Variants in GARNL3 observed in about 807,000 individuals in gnomAD.
The protein encoded by GARNL3 is GTPase-activating Rap/Ran-GAP domain-like protein 3.
A neutral mutation model predicts 125.0 loss-of-function variants in GARNL3; 63 were observed. That is an observed-to-expected ratio of 0.50 (90% CI 0.41 to 0.62). The LOEUF is 0.62. Among genes scored for constraint, GARNL3 ranks in the 20% least tolerant of loss-of-function variants. The pLI, the probability that GARNL3 is intolerant of heterozygous loss-of-function variation, is 0.00. For missense variants in GARNL3, 994 were observed against 1,244.0 expected, an observed-to-expected ratio of 0.80 and a Z score of 3.02; for synonymous variants, 439 against 457.5, an observed-to-expected ratio of 0.96 and a Z score of 0.52.
chr9:127,371,713 A>G (rs1174332988), intron 22 of GARNL3, among the ~76,000 whole-genome samples: 1 of 152,268 alleles, frequency 6.6e-6, no homozygotes, highest in East Asian at 1.9e-4. Context: ...ATGTTTTTTA[A>G]TCAAGTGAGT....
chr9:127,225,180 C>T, intron 1 of GARNL3: 1 of 111,442 alleles, frequency 9.0e-6, no homozygotes, highest in Non-Finnish European at 1.5e-5. Flanking sequence ...TGGTTCGGGG[C>T]GGCGCCGGGG....
At position 127,345,413 on chromosome 9, in the gene GARNL3, T is replaced by C; in HGVS notation, c.1367T>C (p.Leu456Pro). The C allele has an allele frequency of 1.2e-6, 2 of 1,604,814 alleles. No homozygotes were observed. The highest frequency in any genetic ancestry group is 1.7e-6 in the Non-Finnish European group (2 of 1,175,308). ...TCTCTGTTCTGTAAGGCACTAAAAC[T>C]GAAATCCATTGTGAGAGGGGATGCT... is the stretch of plus-strand genomic sequence containing the variant. ...EFVRIGQALK[L>P]KSIVRGDAPS... Residue 456 changes from leucine to proline, a missense_variant, in exon 16 of 28, where the codon CTG becomes CCG. Physicochemically the swap from Leu to Pro is moderately conservative, Grantham distance 98. Coordinates refer to ENST00000373387, the MANE Select transcript of GARNL3 (RefSeq NM_032293.5).
chr9:127,384,899 G>C lies in GARNL3; in HGVS notation c.2270-128G>C. On this transcript the variant is annotated intron_variant, in intron 23 of 27. Transcript: ENST00000373387. The surrounding 1 kb of genome is among the most constrained non-coding windows in gnomAD (Gnocchi z 4.0). ...AGGGTGACTTGCACATGTGAAGGAA[G>C]GAGAGAAGCAGCCAGAGGAATGAGA... is the stretch of plus-strand genomic sequence containing the variant. 7.1e-6 allele frequency: 4 copies of C among 562,716 alleles called. No homozygotes were observed. The highest frequency in any genetic ancestry group is 6.4e-6 in the Non-Finnish European group (2 of 312,014). 34.9% of individuals were successfully genotyped at this position (562,716 alleles called of 1,614,324 possible).
chr9:127,272,449 T>G lies in GARNL3; in HGVS notation c.144+7428T>G, dbSNP rs2063844425. Among the ~76,000 whole-genome samples, 2 of 149,984 alleles carry G rather than the reference T, an allele frequency of 1.3e-5. 1 individual carries two copies. The highest frequency in any genetic ancestry group is 5.1e-5 in the African/African-American group (2 of 39,366). ...AATTTTGACAGATGTTCTTTAAAATTTATCTGGCTTATATCTGTGTCTCAC... is the reference window on the plus strand; with the variant it reads ...AATTTTGACAGATGTTCTTTAAAATGTATCTGGCTTATATCTGTGTCTCAC... On this transcript the variant is annotated intron_variant, in intron 1 of 27. Coordinates refer to ENST00000373387, the MANE Select transcript of GARNL3 (RefSeq NM_032293.5).
intron 7 of GARNL3, among the ~76,000 whole-genome samples, chr9:127,330,831 C>T (rs942056206): frequency 2.0e-5 from 3 of 152,138 alleles, no homozygotes; most frequent in African/African-American, 7.2e-5. Flanking sequence ...GGAGTGTCCT[C>T]TCTCTTCCTG....
chr9:127,387,687 G>A (rs1832616313), intron 25 of GARNL3, among the ~76,000 whole-genome samples: 1 of 149,724 alleles, frequency 6.7e-6, no homozygotes, highest in South Asian at 2.1e-4. Flanking sequence ...ATGTTGCAGT[G>A]AGCCGAGAGC....
chr9:127,378,676 A>G (rs927686707), intron 22 of GARNL3, among the ~76,000 whole-genome samples: 1 of 152,130 alleles, frequency 6.6e-6, no homozygotes, highest in Non-Finnish European at 1.5e-5. Context: ...AAAGAAAGAA[A>G]TCCAGTTACC....
intron 17 of GARNL3, among the ~76,000 whole-genome samples, chr9:127,351,707 G>A (rs1246749640): frequency 5.9e-5 from 9 of 152,220 alleles, no homozygotes; most frequent in African/African-American, 1.9e-4. Context: ...TCCTTTCAAG[G>A]TCATTATTAA....
In GARNL3 at chr9:127,342,272, C is replaced by T. The variant is rs905450965; in HGVS notation, c.1189C>T (p.Arg397Trp). The T allele has an allele frequency of 1.4e-5, 22 of 1,613,874 alleles. No individual in the cohort carries two copies. The East Asian group carries it at 4.7e-4, about 34-fold the overall frequency. ...LETPTFAQKR[R>W]RTLDMLIRSL... ...AACCCCAACATTTGCCCAGAAACGT[C>T]GGCGTACCCTGGATATGTTGATTAG... The change falls in exon 14 of 28, where the codon CGG becomes TGG. Residue 397 changes from arginine to tryptophan, a missense_variant. Transcript: ENST00000373387.
chr9:127,236,693 G>A (rs372662749), intron 1 of GARNL3, among the ~76,000 whole-genome samples: 2 of 152,214 alleles, frequency 1.3e-5, no homozygotes, highest in Non-Finnish European at 2.9e-5. Flanking sequence ...CAAAGTGCTG[G>A]GATTACAGGT....
In GARNL3 at chr9:127,344,352, C is replaced by T. The variant is rs1415028687; in HGVS notation, c.1356+13C>T. The T allele has an allele frequency of 6.4e-7, 1 of 1,561,566 alleles. No individual in the cohort carries two copies. The highest frequency in any genetic ancestry group is 1.4e-5 in the African/African-American group (1 of 74,018). On this transcript the variant is annotated intron_variant, in intron 15 of 27. Transcript: ENST00000373387. Reference sequence around the variant, plus strand: ...TAGAATAGGGCAGGTGGGTTTTCTTCTGAAACCTTTTCTGCGAGACATGTA... The same window carrying T: ...TAGAATAGGGCAGGTGGGTTTTCTTTTGAAACCTTTTCTGCGAGACATGTA...
At chr9:127,269,801 T>TTTTTTTTC (rs2063781179) in intron 1 of GARNL3, among the ~76,000 whole-genome samples, 1 of 150,338 alleles carries the variant, frequency 6.7e-6, no homozygotes, top group African/African-American at 2.4e-5. Context: ...TTTTTTTTTT[T>TTTTTTTTC]GCTGTCAAGT....
In GARNL3 at chr9:127,353,940, C is replaced by T. The variant is rs748336148; in HGVS notation, c.1638C>T (p.Asp546=). 6.2e-7 allele frequency: 1 copy of T among 1,605,982 alleles called. No homozygotes were observed. The highest frequency in any genetic ancestry group is 8.5e-7 in the Non-Finnish European group (1 of 1,172,668). The stretch of plus-strand genomic sequence containing the variant: ...TGGACCTTCTGGTTCTCAGAGCAGA[C>T]AAAGGTGGTATTCCCTGCCGGGTGG... ...ETLDLLVLRA[D]KGKDARLFVF... The change falls in exon 18 of 28, where the codon GAC becomes GAT. Residue 546 remains aspartate (D), a synonymous_variant. Coordinates refer to ENST00000373387, the MANE Select transcript of GARNL3 (RefSeq NM_032293.5).
At chr9:127,387,743 C>CAAA (rs59031446) in intron 25 of GARNL3, among the ~76,000 whole-genome samples, 2 of 57,872 alleles carry the variant, frequency 3.5e-5, no homozygotes, top group Non-Finnish European at 3.8e-5. Context: ...ACTCTGTCTA[C>CAAA]AAAAAAAAAA....
chr9:127,321,978 TAG>T (rs2065418668), intron 6 of GARNL3, among the ~76,000 whole-genome samples: 1 of 152,206 alleles, frequency 6.6e-6, no homozygotes, highest in African/African-American at 2.4e-5. Flanking sequence ...ACCCCAAATA[TAG>T]AGAGTTGTGA....
Position 127,252,571 on chromosome 9 carries a change from G to A in GARNL3, c.143+9322G>A, listed in dbSNP as rs925178360. Among the ~76,000 whole-genome samples, 7 of 152,172 alleles carry A rather than the reference G, an allele frequency of 4.6e-5. No individual in the cohort carries two copies. In the South Asian group the frequency reaches 6.2e-4, roughly 14 times the overall value. On this transcript the variant is annotated intron_variant, in intron 2 of 10. Transcript: ENST00000439286. ...TGTAGGAACTGAGGTCCATGAAGGC[G>A]ATGTTTATTGCCTAAGATCAAGCAG...
At chr9:127,304,356 T>C (rs1255938134) in intron 2 of GARNL3, among the ~76,000 whole-genome samples, 2 of 152,122 alleles carry the variant, frequency 1.3e-5, no homozygotes, top group Admixed American at 1.3e-4. Flanking sequence ...AGAGCTCTCA[T>C]ATATCTTGCT....
At chr9:127,297,061 T>A (rs1368242215) in intron 2 of GARNL3, among the ~76,000 whole-genome samples, 1 of 152,228 alleles carries the variant, frequency 6.6e-6, no homozygotes, top group Non-Finnish European at 1.5e-5. Context: ...AAGCAGTTAA[T>A]TCCATTTTTC....
At chr9:127,330,349 C>T (rs1829153643) in intron 7 of GARNL3, among the ~76,000 whole-genome samples, 1 of 152,124 alleles carries the variant, frequency 6.6e-6, no homozygotes. Context: ...AATAGAGGTC[C>T]CTGGAAACAT....
Sources: gnomAD v4.1 joint callset for allele counts (sites outside exome capture counted in the v4.1 genomes callset) on GRCh38, gnomAD v4.1.1 for gene constraint, Gnocchi (gnomAD v3.1) non-coding constraint, MANE v1.5 for transcripts, NCBI Gene and HGNC (gene_info 2026-07-23, HGNC 2026-07-21) for gene names.